PALM2AKAP2: variants seen among roughly 807,000 people sequenced by gnomAD.
The protein encoded by PALM2AKAP2 is PALM2-AKAP2 fusion protein.
A neutral mutation model predicts 71.5 loss-of-function variants in PALM2AKAP2; 37 were observed. The observed-to-expected ratio is 0.52, with a 90% CI of 0.40 to 0.68. PALM2AKAP2 has a LOEUF of 0.68. Among genes scored for constraint, PALM2AKAP2 ranks in the 30% least tolerant of loss-of-function variants. PALM2AKAP2 has a pLI of 0.00. For synonymous variants in PALM2AKAP2, 468 were observed against 478.8 expected, an observed-to-expected ratio of 0.98 and a Z score of 0.29; for missense variants, 1,224 against 1,191.8, an observed-to-expected ratio of 1.03 and a Z score of -0.40.
intron 1 of PALM2AKAP2, among the ~76,000 whole-genome samples, chr9:109,648,295 CTTAGTG>C (rs936922936): frequency 2.0e-5 from 3 of 152,110 alleles, no homozygotes; most frequent in African/African-American, 7.2e-5. Flanking sequence ...TGGACTAATA[CTTAGTG>C]TTAGTTTTAT....
At chr9:110,134,655 T>C (rs1419403937) in intron 1 of PALM2AKAP2, among the ~76,000 whole-genome samples, 1 of 152,238 alleles carries the variant, frequency 6.6e-6, no homozygotes, top group Non-Finnish European at 1.5e-5. Flanking sequence ...AAATCCATAA[T>C]TATCCACTTT....
intron 6 of PALM2AKAP2, chr9:109,942,665 T>A: frequency 6.6e-7 from 1 of 1,526,188 alleles, no homozygotes; most frequent in Non-Finnish European, 8.8e-7. Flanking sequence ...ATGCACTTCC[T>A]TTCTCTTGTT....
chr9:109,945,791 C>A (rs1416674679), intron 6 of PALM2AKAP2: 1 of 152,152 alleles, frequency 6.6e-6, no homozygotes, highest in Non-Finnish European at 1.5e-5. Flanking sequence ...CCTGAAGGGA[C>A]CTATCCTTGC....
At chr9:109,964,674 T>G (rs537148343) in intron 6 of PALM2AKAP2, among the ~76,000 whole-genome samples, 1 of 152,318 alleles carries the variant, frequency 6.6e-6, no homozygotes, top group Non-Finnish European at 1.5e-5. Flanking sequence ...ATTGAGCTCT[T>G]ACTATACCTC....
chr9:109,785,476 A>T (rs1826936631), intron 1 of PALM2AKAP2, among the ~76,000 whole-genome samples: 1 of 152,192 alleles, frequency 6.6e-6, no homozygotes, highest in Non-Finnish European at 1.5e-5. Flanking sequence ...GTCCGTTTTC[A>T]CCGTGCTGAT....
At chr9:109,728,219 T>C (rs1215636170) in intron 1 of PALM2AKAP2, among the ~76,000 whole-genome samples, 1 of 152,186 alleles carries the variant, frequency 6.6e-6, no homozygotes, top group Non-Finnish European at 1.5e-5. Context: ...GGAATTGTGT[T>C]ATGATAACAA....
At chr9:109,673,200 G>A (rs1827601448) in intron 1 of PALM2AKAP2, among the ~76,000 whole-genome samples, 1 of 151,944 alleles carries the variant, frequency 6.6e-6, no homozygotes. Context: ...TGTGATATTA[G>A]GTTGTTAACT....
chr9:109,723,901 A>T (rs1215594330), intron 1 of PALM2AKAP2, among the ~76,000 whole-genome samples: 1 of 152,228 alleles, frequency 6.6e-6, no homozygotes, highest in Non-Finnish European at 1.5e-5. Context: ...GTATAGGAAA[A>T]CAAATCAATG....
intron 1 of PALM2AKAP2, among the ~76,000 whole-genome samples, chr9:109,648,152 G>A (rs1827178669): frequency 6.6e-6 from 1 of 152,196 alleles, no homozygotes; most frequent in East Asian, 1.9e-4. Context: ...CATGTAAGAC[G>A]TGCCTGCTTC....
At chr9:109,875,641 CA>C (rs1440090268) in intron 2 of PALM2AKAP2, among the ~76,000 whole-genome samples, 3 of 152,170 alleles carry the variant, frequency 2.0e-5, no homozygotes, top group African/African-American at 7.2e-5. Context: ...CTCAGTCTGG[CA>C]TTGCCAGTGA....
At chr9:110,166,473 T>A (rs1021141195) in intron 3 of PALM2AKAP2, among the ~76,000 whole-genome samples, 1 of 152,204 alleles carries the variant, frequency 6.6e-6, no homozygotes, top group African/African-American at 2.4e-5. Context: ...TCCAGTGCTG[T>A]TTTTCAGTTC....
chr9:109,669,041 G>A (rs114709586), intron 1 of PALM2AKAP2, among the ~76,000 whole-genome samples: 143 of 152,274 alleles, frequency 9.4e-4, no homozygotes, highest in African/African-American at 3.3e-3. Flanking sequence ...AGTCTGCTTA[G>A]CACTGGAATG....
intron 6 of PALM2AKAP2, among the ~76,000 whole-genome samples, chr9:109,967,670 A>G (rs1341396371): frequency 3.3e-5 from 5 of 152,162 alleles, no homozygotes; most frequent in African/African-American, 1.2e-4. Context: ...TTGGCCTCCC[A>G]AAGTGTTGGG....
chr9:109,819,651 A>AGGGGTTTGAACACACACACCC (rs761328520), intron 1 of PALM2AKAP2, among the ~76,000 whole-genome samples: 1 of 151,948 alleles, frequency 6.6e-6, no homozygotes, highest in Admixed American at 6.6e-5. Flanking sequence ...GAGCTCTGCC[A>AGGGGTTTGAACACACACACCC]AGGGTTTGAA....
rs577088829 is a variant in PALM2AKAP2, at chr9:109,790,383, A to T, written c.45+9850A>T. ...ATTATAACCAGTCATCTAAGTATTCACTTTATTTTTAAATTCAGGGCTGAA... is the reference window on the plus strand; with the variant it reads ...ATTATAACCAGTCATCTAAGTATTCTCTTTATTTTTAAATTCAGGGCTGAA... On this transcript the variant is annotated intron_variant, in intron 1 of 9. Coordinates refer to the PALM2AKAP2 transcript ENST00000302798. Among the ~76,000 whole-genome samples the T allele has an allele frequency of 7.2e-5, 11 of 152,248 alleles. No homozygotes were observed. In the East Asian group the frequency reaches 2.1e-3, roughly 29 times the overall value.
At chr9:109,869,443 C>T (rs1017167184) in intron 2 of PALM2AKAP2, among the ~76,000 whole-genome samples, 19 of 152,008 alleles carry the variant, frequency 1.2e-4, no homozygotes, top group African/African-American at 4.1e-4. Context: ...ATTCTCCTGC[C>T]TCAGCCTCCT....
At chr9:109,796,084 T>G (rs1827245020) in intron 1 of PALM2AKAP2, among the ~76,000 whole-genome samples, 1 of 152,242 alleles carries the variant, frequency 6.6e-6, no homozygotes, top group Non-Finnish European at 1.5e-5. Context: ...CAAAGCAAGT[T>G]TAGTGACTTT....
chr9:109,872,714 T>C (rs1829633421), intron 2 of PALM2AKAP2, among the ~76,000 whole-genome samples: 1 of 152,210 alleles, frequency 6.6e-6, no homozygotes, highest in South Asian at 2.1e-4. Flanking sequence ...ACTAAGGTCA[T>C]TTGCTGAAGA....
At chr9:109,887,034 G>A (rs1444410731) in intron 3 of PALM2AKAP2, among the ~76,000 whole-genome samples, 1 of 152,142 alleles carries the variant, frequency 6.6e-6, no homozygotes, top group Non-Finnish European at 1.5e-5. Context: ...TTCCACATTG[G>A]ACCTGTGATT....
Sources: allele counts gnomAD v4.1 joint callset (sites outside exome capture counted in the v4.1 genomes callset), GRCh38; gene constraint gnomAD v4.1.1; transcripts MANE v1.5; gene names NCBI Gene and HGNC (gene_info 2026-07-23, HGNC 2026-07-21).